SGCD: variants seen among roughly 807,000 people sequenced by gnomAD.
The protein encoded by SGCD is sarcoglycan delta.
In SGCD, 18 loss-of-function variants were observed where a neutral mutation model predicts 36.6. That is an observed-to-expected ratio of 0.49 (90% CI 0.34 to 0.73). The LOEUF (loss-of-function observed/expected upper bound fraction) is 0.73. SGCD is among the 30% of genes least tolerant of loss of function. The pLI, the probability that SGCD is intolerant of heterozygous loss-of-function variation, is 0.01. For missense variants in SGCD, 387 were observed against 346.7 expected (o/e 1.12, Z -0.92); for synonymous variants, 133 against 130.6 (o/e 1.02, Z -0.12).
At chr5:155,732,279 A>G in the SGCD span, among the ~76,000 whole-genome samples, 1 of 152,214 alleles carries the variant, frequency 6.6e-6, no homozygotes, top group Non-Finnish European at 1.5e-5. Context: ...AAATTATATA[A>G]TGTGTCTCAG....
At chr5:156,203,018 A>T (rs564122206) in intron 3 of SGCD, among the ~76,000 whole-genome samples, 10 of 152,250 alleles carry the variant, frequency 6.6e-5, no homozygotes, top group African/African-American at 2.2e-4. Flanking sequence ...ACATGCCTTG[A>T]GACTCTGTCA....
At chr5:156,268,486 G>C (rs774761908) in intron 3 of SGCD, among the ~76,000 whole-genome samples, 1 of 152,128 alleles carries the variant, frequency 6.6e-6, no homozygotes. Flanking sequence ...AACCTCACCA[G>C]CATCTGTTAT....
intron 3 of SGCD, among the ~76,000 whole-genome samples, chr5:156,503,797 A>G (rs1418823037): frequency 6.6e-6 from 1 of 152,240 alleles, no homozygotes; most frequent in Admixed American, 6.5e-5. Context: ...GGTATAGTGT[A>G]CATTCTAGGT....
intron 3 of SGCD, among the ~76,000 whole-genome samples, chr5:156,294,367 C>T (rs1174112300): frequency 1.3e-5 from 2 of 151,946 alleles, no homozygotes; most frequent in Non-Finnish European, 2.9e-5. Context: ...GAGGCCGAGG[C>T]AAGAGGATCA....
chr5:156,154,864 C>T (rs1762914270), intron 3 of SGCD, among the ~76,000 whole-genome samples: 1 of 151,604 alleles, frequency 6.6e-6, no homozygotes, highest in South Asian at 2.1e-4. Flanking sequence ...CTGAAAATCA[C>T]TGCCCTGCAA....
At chr5:155,854,383 T>C in the SGCD span, among the ~76,000 whole-genome samples, 2 of 152,190 alleles carry the variant, frequency 1.3e-5, no homozygotes, top group Non-Finnish European at 2.9e-5. Context: ...TTTTGCCCCA[T>C]TTATGTTACC....
intron 7 of SGCD, among the ~76,000 whole-genome samples, chr5:156,684,255 G>T (rs1753824647): frequency 6.6e-6 from 1 of 152,096 alleles, no homozygotes. Context: ...ATTCTGGGTG[G>T]TGGAGGTGGG....
At chr5:156,625,108 C>T (rs760082279) in intron 6 of SGCD, among the ~76,000 whole-genome samples, 2 of 152,156 alleles carry the variant, frequency 1.3e-5, no homozygotes, top group Admixed American at 6.5e-5. Context: ...TCAGTAATAG[C>T]AGTTAGGCCC....
Position 156,122,843 on chromosome 5 carries a change from T to TAAAAAAAAAAAAAAAAAA in SGCD, c.-207-989_-207-972dup, listed in dbSNP as rs33983852. 7.4e-5 allele frequency among the ~76,000 whole-genome samples: 4 copies of TAAAAAAAAAAAAAAAAAA among 54,170 alleles called. 1 individual carries two copies. The highest frequency in any genetic ancestry group is 1.6e-4 in the African/African-American group (2 of 12,348). The allele number at this position is 54,170 out of a possible 152,430, so 35.5% of individuals were successfully genotyped here. A position where few individuals can be genotyped will look rare whatever the true frequency, so the allele number is the denominator to read the frequency against. On this transcript the variant is annotated intron_variant, in intron 2 of 9. Coordinates refer to the SGCD transcript ENST00000517913. ...ACCAGCATGGTAGTAAAAGATGTGGTAAAAAAAAAAAAAAAAAAAAAAAAA... is the reference window on the plus strand; with the variant it reads ...ACCAGCATGGTAGTAAAAGATGTGGTAAAAAAAAAAAAAAAAAAAAAAAAAAAAAAAAAAAAAAAAAAA...
At chr5:155,794,169 C>G in the SGCD span, among the ~76,000 whole-genome samples, 1 of 152,090 alleles carries the variant, frequency 6.6e-6, no homozygotes, top group East Asian at 1.9e-4. Context: ...CAAGTTCAGT[C>G]CAGCCTGAAA....
intron 3 of SGCD, among the ~76,000 whole-genome samples, chr5:156,303,926 G>C (rs543964421): frequency 6.6e-6 from 1 of 151,926 alleles, no homozygotes; most frequent in South Asian, 2.1e-4. Context: ...ACTGCCTATG[G>C]TTAGGGGAGG....
chr5:156,252,893 A>C (rs1381563068), intron 3 of SGCD, among the ~76,000 whole-genome samples: 1 of 152,176 alleles, frequency 6.6e-6, no homozygotes, highest in African/African-American at 2.4e-5. Context: ...CCCAGTTAGA[A>C]ACTGACACAC....
chr5:155,950,547 G>A (rs1757528632), intron 1 of SGCD, among the ~76,000 whole-genome samples: 1 of 152,126 alleles, frequency 6.6e-6, no homozygotes, highest in African/African-American at 2.4e-5. Context: ...TTAGGGGTTG[G>A]ATGAGCACCA....
At chr5:156,068,271 C>T (rs556951992) in intron 1 of SGCD, among the ~76,000 whole-genome samples, 5 of 151,870 alleles carry the variant, frequency 3.3e-5, no homozygotes, top group East Asian at 1.9e-4. Context: ...ATCCCTCCCC[C>T]CTTTCCCCAC....
intron 3 of SGCD, among the ~76,000 whole-genome samples, chr5:156,455,018 A>G (rs1754191721): frequency 6.6e-6 from 1 of 152,200 alleles, no homozygotes; most frequent in Non-Finnish European, 1.5e-5. Flanking sequence ...TCTTCCTTGT[A>G]AAGAAAGGAC....
At chr5:156,184,751 C>G (rs1763694446) in intron 3 of SGCD, among the ~76,000 whole-genome samples, 1 of 152,152 alleles carries the variant, frequency 6.6e-6, no homozygotes, top group African/African-American at 2.4e-5. Context: ...CATTTTGCCT[C>G]TCAGCAGAAG....
At chr5:156,172,751 T>C (rs1561549478) in intron 3 of SGCD, among the ~76,000 whole-genome samples, 1 of 132,160 alleles carries the variant, frequency 7.6e-6, no homozygotes, top group African/African-American at 3.1e-5. Context: ...GCTAAACATT[T>C]AGTGATCCCT....
intron 3 of SGCD, among the ~76,000 whole-genome samples, chr5:156,161,057 C>A (rs561617583): frequency 2.0e-5 from 3 of 151,714 alleles, no homozygotes; most frequent in Non-Finnish European, 4.4e-5. Flanking sequence ...ACCCTTATAG[C>A]CTGCTTAGAT....
chr5:156,248,154 T>A (rs1765483356), intron 3 of SGCD, among the ~76,000 whole-genome samples: 1 of 152,090 alleles, frequency 6.6e-6, no homozygotes, highest in African/African-American at 2.4e-5. Context: ...AGAATGGGAA[T>A]GGAATGGAGA....
Sources: gnomAD v4.1 joint callset for allele counts (sites outside exome capture counted in the v4.1 genomes callset) on GRCh38, gnomAD v4.1.1 for gene constraint, MANE v1.5 for transcripts, NCBI Gene and HGNC (gene_info 2026-07-23, HGNC 2026-07-21) for gene names.